Variants in UNC13C observed in about 807,000 individuals in gnomAD.
The protein encoded by UNC13C is protein unc-13 homolog C.
Under a neutral mutation model 245.4 loss-of-function variants are expected in UNC13C, and 174 were observed. That is an observed-to-expected ratio of 0.71 (90% CI 0.63 to 0.80). The LOEUF is 0.80. Ranked by LOEUF, UNC13C falls within the 30% of genes least tolerant of loss-of-function variation. The probability of loss-of-function intolerance (pLI) is 0.00; values close to 1 mark genes in which losing one functional copy is unlikely to be tolerated. For missense variants in UNC13C, 2,829 were observed against 2,602.9 expected (o/e 1.09, Z -1.89); for synonymous variants, 992 against 895.1 (o/e 1.11, Z -1.93).
At chr15:54,503,688 AT>A (rs1440011899) in intron 22 of UNC13C, among the ~76,000 whole-genome samples, 4 of 152,090 alleles carry the variant, frequency 2.6e-5, no homozygotes, top group Non-Finnish European at 5.9e-5. Context: ...TATAATTTGT[AT>A]TTTATATAAC....
the UNC13C span, among the ~76,000 whole-genome samples, chr15:53,936,344 G>A: frequency 6.6e-6 from 1 of 152,180 alleles, no homozygotes; most frequent in Non-Finnish European, 1.5e-5. Flanking sequence ...AGCAACACCA[G>A]CCAGGGTTAT....
intron 19 of UNC13C, among the ~76,000 whole-genome samples, chr15:54,442,847 G>A (rs1890605757): frequency 6.6e-6 from 1 of 152,004 alleles, no homozygotes; most frequent in Non-Finnish European, 1.5e-5. Context: ...TTGTATCTAT[G>A]TTCATCAGGG....
At chr15:54,383,310 CA>C (rs2039767109) in intron 17 of UNC13C, among the ~76,000 whole-genome samples, 1 of 152,086 alleles carries the variant, frequency 6.6e-6, no homozygotes, top group African/African-American at 2.4e-5. Flanking sequence ...AAACTGAATG[CA>C]ACAACACATT....
At chr15:53,985,361 T>C (rs1894092808) in intron 1 of UNC13C, among the ~76,000 whole-genome samples, 1 of 151,788 alleles carries the variant, frequency 6.6e-6, no homozygotes, top group South Asian at 2.1e-4. Context: ...TTTTTTTAAA[T>C]TTTATTATTA....
At chr15:54,460,693 C>A (rs1032646862) in intron 19 of UNC13C, among the ~76,000 whole-genome samples, 1 of 152,232 alleles carries the variant, frequency 6.6e-6, no homozygotes, top group Non-Finnish European at 1.5e-5. Context: ...AGTTGTCTTG[C>A]AGCATTTGCA....
chr15:54,548,959 G>C (rs569990319), intron 27 of UNC13C, among the ~76,000 whole-genome samples: 40 of 152,128 alleles, frequency 2.6e-4, no homozygotes, highest in African/African-American at 9.2e-4. Context: ...TACACACTCC[G>C]ATAAAACATC....
intron 2 of UNC13C, among the ~76,000 whole-genome samples, chr15:54,122,908 C>T (rs2030772755): frequency 6.6e-6 from 1 of 151,982 alleles, no homozygotes; most frequent in African/African-American, 2.4e-5. Flanking sequence ...AATAAAGCTG[C>T]TATGAAATTT....
chr15:54,220,720 T>C (rs942750272), intron 4 of UNC13C, among the ~76,000 whole-genome samples: 1 of 151,984 alleles, frequency 6.6e-6, no homozygotes, highest in African/African-American at 2.4e-5. Flanking sequence ...TAGTTAAAAG[T>C]ACACTGGGAA....
chr15:54,102,443 T>C (rs1025395878), intron 2 of UNC13C, among the ~76,000 whole-genome samples: 17 of 152,216 alleles, frequency 1.1e-4, no homozygotes, highest in African/African-American at 3.6e-4. Context: ...TACGACATGC[T>C]TGTGTATGTC....
chr15:54,616,316 T>C (rs1251454484), intron 30 of UNC13C, among the ~76,000 whole-genome samples: 2 of 152,074 alleles, frequency 1.3e-5, no homozygotes, highest in African/African-American at 2.4e-5. Context: ...GTTTGTGACA[T>C]ATACCAATGT....
At chr15:54,060,029 G>A (rs1288967086) in intron 2 of UNC13C, among the ~76,000 whole-genome samples, 1 of 152,148 alleles carries the variant, frequency 6.6e-6, no homozygotes, top group Non-Finnish European at 1.5e-5. Context: ...AGAAAACCTA[G>A]GCAATACCAT....
the UNC13C span, among the ~76,000 whole-genome samples, chr15:53,852,188 G>C: frequency 6.6e-6 from 1 of 152,150 alleles, no homozygotes; most frequent in African/African-American, 2.4e-5. Context: ...TTGAATTAGA[G>C]GAAACCCAGT....
intron 19 of UNC13C, among the ~76,000 whole-genome samples, chr15:54,456,701 A>G (rs920414470): frequency 2.0e-5 from 3 of 151,808 alleles, no homozygotes; most frequent in African/African-American, 4.8e-5. Flanking sequence ...GTGTATAGCA[A>G]TGCTCCTAAT....
chr15:54,242,896 G>T (rs1027526579), intron 7 of UNC13C, among the ~76,000 whole-genome samples: 1 of 152,150 alleles, frequency 6.6e-6, no homozygotes, highest in East Asian at 1.9e-4. Flanking sequence ...TAAAAGGACA[G>T]TTACATGGGA....
chr15:54,066,958 T>A (rs1457327195), intron 2 of UNC13C, among the ~76,000 whole-genome samples: 1 of 152,124 alleles, frequency 6.6e-6, no homozygotes, highest in East Asian at 1.9e-4. Flanking sequence ...TTAGGAAGAA[T>A]AGATTTTGCC....
chr15:54,610,827 C>A (rs1900051914), intron 30 of UNC13C, among the ~76,000 whole-genome samples: 1 of 152,204 alleles, frequency 6.6e-6, no homozygotes, highest in South Asian at 2.1e-4. Flanking sequence ...GTACCTTTTA[C>A]ATACACTGCA....
intron 19 of UNC13C, 129 bp downstream of exon 19, chr15:54,415,196 C>A: frequency 1.6e-6 from 1 of 635,450 alleles, no homozygotes; most frequent in South Asian, 2.7e-5. Flanking sequence ...AGTTCTAAAA[C>A]TTATTTCCGT....
At chr15:54,334,624 T>C (rs1483075804) in intron 16 of UNC13C, among the ~76,000 whole-genome samples, 1 of 152,086 alleles carries the variant, frequency 6.6e-6, no homozygotes, top group Admixed American at 6.6e-5. Flanking sequence ...AGGGAAACCA[T>C]ACTATATCAA....
chr15:54,442,514 C>G (rs756551583), intron 19 of UNC13C, among the ~76,000 whole-genome samples: 1 of 152,002 alleles, frequency 6.6e-6, no homozygotes, highest in Non-Finnish European at 1.5e-5. Flanking sequence ...TGAGTCACCA[C>G]GCTCAGCCCC....
Sources: gnomAD v4.1 joint callset for allele counts (sites outside exome capture counted in the v4.1 genomes callset) on GRCh38, gnomAD v4.1.1 for gene constraint, MANE v1.5 for transcripts, NCBI Gene and HGNC (gene_info 2026-07-23, HGNC 2026-07-21) for gene names.